The following WWP2 variants were observed in gnomAD, a reference collection of about 807,000 sequenced individuals.
WWP2 encodes WW domain containing E3 ubiquitin protein ligase 2.
WWP2 carries 57 observed loss-of-function variants against 121.0 expected under a neutral mutation model. That is an observed-to-expected ratio of 0.47 (90% CI 0.38 to 0.59). WWP2 has a LOEUF of 0.59. Ranked by LOEUF, WWP2 falls within the 20% of genes least tolerant of loss-of-function variation. The pLI, the probability that WWP2 is intolerant of heterozygous loss-of-function variation, is 0.00. For missense variants in WWP2, 962 were observed against 1,158.9 expected (o/e 0.83, Z 2.47); for synonymous variants, 449 against 441.3 (o/e 1.02, Z -0.22).
intron 5 of WWP2, among the ~76,000 whole-genome samples, chr16:69,840,809 C>T (rs1567696997): frequency 6.6e-6 from 1 of 152,094 alleles, no homozygotes; most frequent in Non-Finnish European, 1.5e-5. Flanking sequence ...TCATGAAGTC[C>T]GAGGTCTGAA....
At chr16:69,884,215 C>T (rs982137601) in intron 7 of WWP2, among the ~76,000 whole-genome samples, 7 of 152,144 alleles carry the variant, frequency 4.6e-5, no homozygotes, top group Admixed American at 6.5e-5. Flanking sequence ...TGCACTTTTT[C>T]GTTTAGTAGT....
rs1597651612 is a variant in WWP2, at chr16:69,778,956, TA to T, written c.-15-8039del. On this transcript the variant is annotated intron_variant, in intron 1 of 23. Transcript: ENST00000359154. ...ACACCTGGCCGGTTATTTATTTATTTATTTATTTTTTGAGATGGAGTCTCGC... is the reference window on the plus strand; with the variant it reads ...ACACCTGGCCGGTTATTTATTTATTTTTTATTTTTTGAGATGGAGTCTCGC... Among the ~76,000 whole-genome samples, 23 of 135,038 alleles carry T rather than the reference TA, an allele frequency of 1.7e-4. 2 individuals are homozygous for T. Among genetic ancestry groups the T allele is most frequent in the South Asian group, 1.7e-3 (7 of 4,162 alleles). The allele number at this position is 135,038 out of a possible 152,430, so 88.6% of individuals were successfully genotyped here. A position where few individuals can be genotyped will look rare whatever the true frequency, so the allele number is the denominator to read the frequency against.
At chr16:69,870,953 C>T (rs781506986) in intron 6 of WWP2, among the ~76,000 whole-genome samples, 1 of 152,122 alleles carries the variant, frequency 6.6e-6, no homozygotes, top group Non-Finnish European at 1.5e-5. Context: ...CATTGCTTCT[C>T]ATTTACTTGG....
At chr16:69,912,662 G>T (rs2058397679) in intron 9 of WWP2, among the ~76,000 whole-genome samples, 1 of 151,790 alleles carries the variant, frequency 6.6e-6, no homozygotes, top group African/African-American at 2.4e-5. Flanking sequence ...TAGTGAAATA[G>T]CTGAGACTCT....
intron 6 of WWP2, among the ~76,000 whole-genome samples, chr16:69,859,798 C>T (rs1325039180): frequency 1.3e-5 from 2 of 152,006 alleles, no homozygotes; most frequent in African/African-American, 4.8e-5. Context: ...TCTCCTGCCA[C>T]CTGCTGGAGA....
intron 1 of WWP2, among the ~76,000 whole-genome samples, chr16:69,784,168 C>T (rs763662795): frequency 8.1e-5 from 11 of 136,418 alleles, no homozygotes; most frequent in Admixed American, 1.7e-4. Context: ...GGCATGATCT[C>T]GGCGCACTGC....
chr16:69,920,871 A>G (rs1439303101), intron 10 of WWP2, among the ~76,000 whole-genome samples: 1 of 152,136 alleles, frequency 6.6e-6, no homozygotes, highest in African/African-American at 2.4e-5. Context: ...GGGTTGACCA[A>G]GATGTTGGTG....
chr16:69,782,387 A>G (rs920413567), intron 1 of WWP2, among the ~76,000 whole-genome samples: 3 of 152,210 alleles, frequency 2.0e-5, no homozygotes, highest in African/African-American at 7.2e-5. Context: ...AGGACGGGGC[A>G]GGAGCCAACC....
chr16:69,781,399 G>C (rs1473513019), intron 1 of WWP2, among the ~76,000 whole-genome samples: 1 of 152,120 alleles, frequency 6.6e-6, no homozygotes, highest in Non-Finnish European at 1.5e-5. Context: ...AGGCTGGAGT[G>C]CGGTGGCACA....
At chr16:69,767,100 C>A (rs1388762351) in intron 1 of WWP2, among the ~76,000 whole-genome samples, 3 of 150,974 alleles carry the variant, frequency 2.0e-5, no homozygotes, top group African/African-American at 7.3e-5. Flanking sequence ...CTTAATGAGG[C>A]TACTCTTCCA....
intron 1 of WWP2, among the ~76,000 whole-genome samples, chr16:69,768,973 G>C (rs1429932770): frequency 1.3e-5 from 2 of 152,184 alleles, no homozygotes; most frequent in African/African-American, 4.8e-5. Context: ...GCATGAGCCT[G>C]TGAAGAACAG....
intron 1 of WWP2, among the ~76,000 whole-genome samples, chr16:69,767,032 T>A (rs2038746108): frequency 6.8e-6 from 1 of 147,026 alleles, no homozygotes; most frequent in Non-Finnish European, 1.5e-5. Context: ...GGAATAGGGG[T>A]TTTGTTTTTT....
At chr16:69,853,184 A>G (rs2057250081) in intron 6 of WWP2, among the ~76,000 whole-genome samples, 1 of 152,186 alleles carries the variant, frequency 6.6e-6, no homozygotes, top group Non-Finnish European at 1.5e-5. Context: ...GGAAACAGAA[A>G]ACACTCTAGG....
At chr16:69,930,338 TTGGGTGGCCCCTG>T in intron 13 of WWP2, 80 bp downstream of exon 13, 10 of 1,577,782 alleles carry the variant, frequency 6.3e-6, no homozygotes, top group Non-Finnish European at 7.7e-6. Context: ...GAGGCCCACT[TTGGGTGGCCCCTG>T]TGGTGCGTTC....
chr16:69,935,726 C>CTT lies in WWP2; in HGVS notation c.1843-126_1843-125insTT, dbSNP rs2058787385. The CTT allele has an allele frequency of 7.2e-7, 1 of 1,392,444 alleles. No homozygotes were observed. The highest frequency in any genetic ancestry group is 2.3e-5 in the East Asian group (1 of 43,418). The allele number at this position is 1,392,444 out of a possible 1,614,324, so 86.3% of individuals were successfully genotyped here. ...CCTCCCGCTGCGTCCGAGGCAGCTGCTGCTGTAGTTCTGTCAGGGAAGGAA... is the reference window on the plus strand; with the variant it reads ...CCTCCCGCTGCGTCCGAGGCAGCTGCTTTGCTGTAGTTCTGTCAGGGAAGGAA... On this transcript the variant is annotated intron_variant, in intron 17 of 23. Coordinates refer to ENST00000359154, the MANE Select transcript of WWP2 (RefSeq NM_001270454.2). This position sits in a 1 kb window ranked among gnomAD's most constrained non-coding sequence, Gnocchi z 5.2.
intron 1 of WWP2, among the ~76,000 whole-genome samples, chr16:69,777,625 T>C (rs1385090540): frequency 6.6e-6 from 1 of 152,002 alleles, no homozygotes; most frequent in African/African-American, 2.4e-5. Flanking sequence ...AAAAAATCTT[T>C]TTATTTATTA....
intron 6 of WWP2, among the ~76,000 whole-genome samples, chr16:69,860,172 G>T (rs1322891125): frequency 1.3e-5 from 2 of 152,056 alleles, no homozygotes; most frequent in African/African-American, 2.4e-5. Context: ...AAAAAAATTA[G>T]CCAGGCGTGG....
At chr16:69,787,176 T>C in intron 2 of WWP2, 96 bp downstream of exon 2, 3 of 892,646 alleles carry the variant, frequency 3.4e-6, no homozygotes, top group South Asian at 3.7e-5. Context: ...TTTTGTGAAA[T>C]AGTTTACATG....
chr16:69,881,884 A>G (rs2057836844), intron 7 of WWP2, among the ~76,000 whole-genome samples: 2 of 152,070 alleles, frequency 1.3e-5, no homozygotes, highest in African/African-American at 4.8e-5. Context: ...GTAGAGACAG[A>G]GTTTTGCCAT....
Sources: allele counts gnomAD v4.1 joint callset (sites outside exome capture counted in the v4.1 genomes callset), GRCh38; gene constraint gnomAD v4.1.1; non-coding constraint Gnocchi (gnomAD v3.1); transcripts MANE v1.5; gene names NCBI Gene and HGNC (gene_info 2026-07-23, HGNC 2026-07-21).